The following JAML variants were observed in gnomAD, a reference collection of about 807,000 sequenced individuals.
JAML encodes junction adhesion molecule like.
A neutral mutation model predicts 39.3 loss-of-function variants in JAML; 25 were observed. The ratio of observed to expected loss-of-function variants is 0.64; its 90% CI spans 0.46 to 0.89. The LOEUF (loss-of-function observed/expected upper bound fraction) is 0.89. Ranked by LOEUF, JAML falls within the 40% of genes least tolerant of loss-of-function variation. JAML has a pLI of 0.00. For synonymous variants in JAML, 162 were observed against 179.2 expected (o/e 0.90, Z 0.77); for missense variants, 440 against 486.9 (o/e 0.90, Z 0.91).
At chr11:118,211,162 A>G (rs1159538306) in intron 3 of JAML, among the ~76,000 whole-genome samples, 1 of 151,756 alleles carries the variant, frequency 6.6e-6, no homozygotes, top group Admixed American at 6.6e-5. Flanking sequence ...TCTCATTTCT[A>G]CCCTCCTCCC....
rs139661518 is a variant in JAML, at chr11:118,193,985, C to T, written c.*340G>A. Reference sequence around the variant, plus strand: ...AGGAATGATTTGGGTTGGTTTTTATCTCTGATTCTTCCCAGTAACTCATCC... The same window carrying T: ...AGGAATGATTTGGGTTGGTTTTTATTTCTGATTCTTCCCAGTAACTCATCC... On this transcript the variant is annotated 3_prime_UTR_variant, in exon 10 of 10. Transcript: ENST00000356289. 136 of 230,716 alleles carry T rather than the reference C, an allele frequency of 5.9e-4. No individual in the cohort carries two copies. The highest frequency in any genetic ancestry group is 2.7e-3 in the African/African-American group (122 of 45,250). The allele number at this position is 230,716 out of a possible 1,614,324, so 14.3% of individuals were successfully genotyped here. A position where few individuals can be genotyped will look rare whatever the true frequency, so the allele number is the denominator to read the frequency against.
intron 3 of JAML, 105 bp from the exon 4 acceptor site, chr11:118,210,817 T>C (rs1949042678): frequency 2.2e-6 from 2 of 926,784 alleles, no homozygotes; most frequent in Non-Finnish European, 3.3e-6. Flanking sequence ...ATCATCATGA[T>C]CATGATCCAA....
At chr11:118,211,386 G>A (rs1171299502) in intron 3 of JAML, among the ~76,000 whole-genome samples, 1 of 152,138 alleles carries the variant, frequency 6.6e-6, no homozygotes, top group African/African-American at 2.4e-5. Flanking sequence ...GGGACTACAG[G>A]TACATGCCAC....
Position 118,212,438 on chromosome 11 carries a change from T to C in JAML, c.167A>G (p.Asp56Gly). ...GTGCTCTCCTGGTGACAGAGTCCAG[T>C]CTATCTTGAATATACATTTGTCTTC... ...STEDKCIFKI[D>G]WTLSPGEHAK... Residue 56 changes from aspartate to glycine, a missense_variant, in exon 3 of 10, where the codon GAC becomes GGC. Transcript: ENST00000356289. The C allele has an allele frequency of 6.2e-7, 1 of 1,614,132 alleles. No homozygotes were observed. Among genetic ancestry groups the C allele is most frequent in the South Asian group, 1.1e-5 (1 of 91,084 alleles).
chr11:118,208,046 C>T (rs7101554), intron 4 of JAML, among the ~76,000 whole-genome samples: 110,340 of 151,874 alleles, frequency 0.73, 40,212 homozygotes, highest in South Asian at 0.83. Flanking sequence ...GCCTGGGCAA[C>T]GTAGGGAAAC....
chr11:118,218,608 GT>G (rs748815443), intron 1 of JAML, among the ~76,000 whole-genome samples: 2 of 152,088 alleles, frequency 1.3e-5, no homozygotes, highest in Non-Finnish European at 2.9e-5. Context: ...GTAACTACTT[GT>G]CAAATGAGTT....
intron 4 of JAML, among the ~76,000 whole-genome samples, chr11:118,210,016 C>A (rs1221304600): frequency 6.6e-6 from 1 of 152,154 alleles, no homozygotes; most frequent in African/African-American, 2.4e-5. Context: ...AGGCATGAGC[C>A]ACTGAGCCTG....
intron 9 of JAML, 138 bp downstream of exon 9, chr11:118,196,596 CT>C: frequency 2.8e-6 from 2 of 712,906 alleles, no homozygotes; most frequent in Non-Finnish European, 5.0e-6. Context: ...TCCAGCAGAA[CT>C]TCAGTTTCTC....
chr11:118,211,022 C>T (rs1949046812), intron 3 of JAML, among the ~76,000 whole-genome samples: 1 of 152,186 alleles, frequency 6.6e-6, no homozygotes, highest in African/African-American at 2.4e-5. Context: ...TGAAAACCAT[C>T]TCTCATTTTC....
At chr11:118,220,276 G>C (rs1949196750) in intron 1 of JAML, among the ~76,000 whole-genome samples, 1 of 152,186 alleles carries the variant, frequency 6.6e-6, no homozygotes, top group African/African-American at 2.4e-5. Context: ...CAAGGCCCCA[G>C]TGCAGAGAAG....
intron 1 of JAML, among the ~76,000 whole-genome samples, chr11:118,216,879 C>T (rs1170623777): frequency 2.0e-5 from 3 of 152,210 alleles, no homozygotes; most frequent in Non-Finnish European, 2.9e-5. Flanking sequence ...AAACCCCATT[C>T]CTGCTCCGTG....
At chr11:118,213,086 C>T in intron 2 of JAML, 2 of 1,509,904 alleles carry the variant, frequency 1.3e-6, no homozygotes, top group Non-Finnish European at 8.8e-7. Flanking sequence ...CACCACAGAG[C>T]ACAGCTTTCC....
chr11:118,200,643 C>A (rs745669430), intron 6 of JAML, 31 bp from the exon 7 acceptor site: 3 of 1,613,420 alleles, frequency 1.9e-6, no homozygotes, highest in Non-Finnish European at 2.5e-6. Context: ...AGGAGAGGGT[C>A]TCAATACTTT....
intron 3 of JAML, among the ~76,000 whole-genome samples, chr11:118,211,546 C>A (rs1475681748): frequency 6.6e-6 from 1 of 152,140 alleles, no homozygotes; most frequent in Non-Finnish European, 1.5e-5. Context: ...CCACACCCAG[C>A]AGAAATTCTT....
chr11:118,216,227 C>T (rs555448126), intron 1 of JAML, among the ~76,000 whole-genome samples: 3 of 152,056 alleles, frequency 2.0e-5, no homozygotes, highest in African/African-American at 2.4e-5. Flanking sequence ...AAAAATTAGC[C>T]GGGCATGGTG....
intron 4 of JAML, 117 bp from the exon 5 acceptor site, chr11:118,206,108 A>T (rs949805814): frequency 1.4e-5 from 11 of 812,320 alleles, no homozygotes; most frequent in Admixed American, 5.7e-5. Flanking sequence ...CGCTGTCACC[A>T]CCAAACACTG....
chr11:118,203,350 T>G, intron 6 of JAML, 78 bp downstream of exon 6: 1 of 1,349,182 alleles, frequency 7.4e-7, no homozygotes, highest in East Asian at 2.3e-5. Context: ...CCTAGGAACC[T>G]CTCCGGCCTC....
intron 2 of JAML, among the ~76,000 whole-genome samples, chr11:118,214,516 G>T (rs571281250): frequency 1.3e-5 from 2 of 152,190 alleles, no homozygotes; most frequent in Non-Finnish European, 2.9e-5. Flanking sequence ...TGGTTTTAAA[G>T]ATAACAATTT....
intron 8 of JAML, 194 bp from the exon 9 acceptor site, chr11:118,197,015 C>T (rs1444714747): frequency 1.9e-5 from 10 of 540,008 alleles, no homozygotes; most frequent in African/African-American, 1.1e-4. Flanking sequence ...TCAAAGAACA[C>T]AGTCTTAAGA....
Sources: gnomAD v4.1 joint callset for allele counts (sites outside exome capture counted in the v4.1 genomes callset) on GRCh38, gnomAD v4.1.1 for gene constraint, MANE v1.5 for transcripts, NCBI Gene and HGNC (gene_info 2026-07-23, HGNC 2026-07-21) for gene names.